SCNN1B: variants seen among roughly 807,000 people sequenced by gnomAD.
SCNN1B encodes the protein sodium channel epithelial 1 subunit beta.
SCNN1B carries 46 observed loss-of-function variants against 65.3 expected under a neutral mutation model. That is an observed-to-expected ratio of 0.70 (90% CI 0.56 to 0.90). The LOEUF (loss-of-function observed/expected upper bound fraction) is 0.90, where lower values mean the gene tolerates loss of function less well. SCNN1B is among the 40% of genes least tolerant of loss of function. SCNN1B has a pLI of 0.00. For synonymous variants in SCNN1B, 349 were observed against 330.6 expected, an observed-to-expected ratio of 1.06 and a Z score of -0.60; for missense variants, 751 against 830.5, an observed-to-expected ratio of 0.90 and a Z score of 1.18.
At chr16:23,375,301 G>A (rs1385207826) in intron 7 of SCNN1B, among the ~76,000 whole-genome samples, 1 of 152,180 alleles carries the variant, frequency 6.6e-6, no homozygotes, top group Non-Finnish European at 1.5e-5. Context: ...CTGGGAGGAA[G>A]GAGCACAGAG....
At chr16:23,316,021 CAT>C (rs1961447465) in intron 1 of SCNN1B, among the ~76,000 whole-genome samples, 1 of 150,854 alleles carries the variant, frequency 6.6e-6, no homozygotes, top group African/African-American at 2.4e-5. Flanking sequence ...TCATCCCCAT[CAT>C]CACCATCACC....
rs1440299669 is a variant in SCNN1B at position 23,348,548 on chromosome 16, A to G, written c.-8-44A>G. Reference sequence around the variant, plus strand: ...CGTGACTGGGACATCCTCGCAGGCAAGGCTGGTGTCCCAGCTGATGTGCGT... The same window carrying G: ...CGTGACTGGGACATCCTCGCAGGCAGGGCTGGTGTCCCAGCTGATGTGCGT... On this transcript the variant is annotated intron_variant, in intron 1 of 12. Transcript: ENST00000343070. The surrounding 1 kb of genome is among the most constrained non-coding windows in gnomAD (Gnocchi z 4.5). 3.8e-6 allele frequency: 6 copies of G among 1,595,450 alleles called. No individual in the cohort carries two copies. The highest frequency in any genetic ancestry group is 5.1e-6 in the Non-Finnish European group (6 of 1,166,658).
rs151179722 is a variant in SCNN1B at position 23,324,104 on chromosome 16, C to T, written c.-9+21667C>T. On this transcript the variant is annotated intron_variant, in intron 1 of 12. Coordinates refer to ENST00000343070, the MANE Select transcript of SCNN1B (RefSeq NM_000336.3). Reference sequence around the variant, plus strand: ...ACAACTGAGGCTCAGAGAGGTGATGCGATTTTGCCAAGATCACACAGCCAC... The same window carrying T: ...ACAACTGAGGCTCAGAGAGGTGATGTGATTTTGCCAAGATCACACAGCCAC... 1.4e-3 allele frequency among the ~76,000 whole-genome samples: 216 copies of T among 151,830 alleles called. 1 individual carries two copies. Among genetic ancestry groups the T allele is most frequent in the African/African-American group, 4.9e-3 (204 of 41,352 alleles).
At chr16:23,369,900 G>A (rs1020937198) in intron 5 of SCNN1B, among the ~76,000 whole-genome samples, 2 of 152,168 alleles carry the variant, frequency 1.3e-5, no homozygotes, top group African/African-American at 4.8e-5. Context: ...CCTCCATCAT[G>A]CAGCCCTTGT....
In SCNN1B at chr16:23,371,301, C is replaced by A; in HGVS notation, c.883C>A (p.Leu295Met). ...PSANPGTEFG[L>M]KLILDIGQED... ...CCCTCACCCCACCCTCCCCACAGGCCTGAAGTTGATCCTGGACATAGGCCA... is the reference window on the plus strand; with the variant it reads ...CCCTCACCCCACCCTCCCCACAGGCATGAAGTTGATCCTGGACATAGGCCA... Residue 295 changes from leucine to methionine, a missense_variant and splice_region_variant, in exon 6 of 13, where the codon CTG becomes ATG. Transcript: ENST00000343070. 1.2e-6 allele frequency: 2 copies of A among 1,614,084 alleles called. No homozygotes were observed. Among genetic ancestry groups the A allele is most frequent in the Non-Finnish European group, 1.7e-6 (2 of 1,180,010 alleles).
chr16:23,292,612 C>T (rs983069055), intron 2 of SCNN1B, among the ~76,000 whole-genome samples: 1 of 150,798 alleles, frequency 6.6e-6, no homozygotes, highest in East Asian at 2.0e-4. Context: ...AGCAATCCTT[C>T]CATCTCTCAG....
chr16:23,312,133 C>A (rs931362960), intron 1 of SCNN1B, among the ~76,000 whole-genome samples: 1 of 152,152 alleles, frequency 6.6e-6, no homozygotes, highest in Admixed American at 6.5e-5. Context: ...AAAACATTTT[C>A]TTTCCTTTCT....
rs1430098060 is a variant in SCNN1B at position 23,348,477 on chromosome 16, T to G, written c.-8-115T>G. The G allele has an allele frequency of 3.3e-4, 235 of 721,882 alleles. No individual in the cohort carries two copies. The highest frequency in any genetic ancestry group is 2.8e-3 in the African/African-American group (84 of 29,970). 44.7% of individuals were successfully genotyped at this position (721,882 alleles called of 1,614,324 possible). The stretch of plus-strand genomic sequence containing the variant: ...AAAGGGAGGGAGGGAGGGGGGAGGG[T>G]AAAGAGGGAGGAAGAACGGGGACGT... On this transcript the variant is annotated intron_variant, in intron 1 of 12. Transcript: ENST00000343070. This position sits in a 1 kb window ranked among gnomAD's most constrained non-coding sequence, Gnocchi z 4.5.
intron 1 of SCNN1B, among the ~76,000 whole-genome samples, chr16:23,329,404 C>T (rs1291391082): frequency 6.6e-6 from 1 of 152,240 alleles, no homozygotes; most frequent in Non-Finnish European, 1.5e-5. Flanking sequence ...TTGGGAACCA[C>T]TGTATCCAGC....
At chr16:23,377,574 C>CCTT (rs1962929014) in intron 10 of SCNN1B, among the ~76,000 whole-genome samples, 188 bp downstream of exon 10, 1 of 125,062 alleles carries the variant, frequency 8.0e-6, no homozygotes, top group African/African-American at 3.0e-5. Flanking sequence ...CCTCTCTTTT[C>CCTT]CCTTCCTCCC....
chr16:23,343,656 A>AAAGG (rs201610085), intron 1 of SCNN1B, among the ~76,000 whole-genome samples: 23,077 of 112,906 alleles, frequency 0.2, 4,035 homozygotes, highest in Middle Eastern at 0.27. Context: ...AGAAAAAAAG[A>AAAGG]AAGGAAGGAA....
chr16:23,292,706 G>T (rs1309760272), intron 2 of SCNN1B, among the ~76,000 whole-genome samples: 1 of 151,432 alleles, frequency 6.6e-6, no homozygotes, highest in African/African-American at 2.4e-5. Flanking sequence ...TTTTTGCCAT[G>T]TTGCCCAGGC....
intron 1 of SCNN1B, among the ~76,000 whole-genome samples, chr16:23,338,121 C>A (rs1470941956): frequency 2.0e-5 from 3 of 152,184 alleles, no homozygotes; most frequent in Non-Finnish European, 4.4e-5. Context: ...ACATTTCCTG[C>A]ACCAAAGCTG....
intron 1 of SCNN1B, among the ~76,000 whole-genome samples, chr16:23,331,869 G>A (rs1188758144): frequency 6.6e-6 from 1 of 152,118 alleles, no homozygotes; most frequent in Non-Finnish European, 1.5e-5. Context: ...AAAGGGGTGG[G>A]AGGAACTTAC....
At position 23,348,984 on chromosome 16, in the gene SCNN1B, C is replaced by A. The variant is rs1273755111; in HGVS notation, c.311+74C>A. The A allele has an allele frequency of 8.1e-7, 1 of 1,232,104 alleles. No homozygotes were observed. The highest frequency in any genetic ancestry group is 1.7e-5 in the Admixed American group (1 of 58,586). 76.3% of individuals were successfully genotyped at this position (1,232,104 alleles called of 1,614,324 possible). A position where few individuals can be genotyped will look rare whatever the true frequency, so the allele number is the denominator to read the frequency against. On this transcript the variant is annotated intron_variant, in intron 2 of 12. Transcript: ENST00000343070. This position sits in a 1 kb window ranked among gnomAD's most constrained non-coding sequence, Gnocchi z 4.5. ...CTTTCTCTCTTTTCTTCCCTTCTAC[C>A]TTTCCTTTCCTTCCTTTCCTTCCTT... is the stretch of plus-strand genomic sequence containing the variant.
chr16:23,334,149 A>C (rs1961886982), intron 1 of SCNN1B, among the ~76,000 whole-genome samples: 2 of 152,184 alleles, frequency 1.3e-5, no homozygotes, highest in African/African-American at 2.4e-5. Context: ...CAGGGTGGAC[A>C]GCCACATTCC....
chr16:23,279,100 G>A (rs965454746), intron 1 of SCNN1B, among the ~76,000 whole-genome samples: 1 of 149,058 alleles, frequency 6.7e-6, no homozygotes, highest in African/African-American at 2.5e-5. Context: ...TGTGTGTGAT[G>A]GGGGCTGACT....
Position 23,348,939 on chromosome 16 carries a change from C to T in SCNN1B, c.311+29C>T. The T allele has an allele frequency of 1.3e-6, 2 of 1,590,062 alleles. No homozygotes were observed. The highest frequency in any genetic ancestry group is 2.2e-5 in the East Asian group (1 of 44,726). ...GGTGGCCCCGGAGTGCACAGCTGGC[C>T]TCAGCAGACAGGCGGTTCTCTTTCT... On this transcript the variant is annotated intron_variant, in intron 2 of 12. Coordinates refer to ENST00000343070, the MANE Select transcript of SCNN1B (RefSeq NM_000336.3). The surrounding 1 kb of genome is among the most constrained non-coding windows in gnomAD (Gnocchi z 4.5).
intron 1 of SCNN1B, among the ~76,000 whole-genome samples, chr16:23,319,943 T>A (rs1268577008): frequency 6.6e-6 from 1 of 152,070 alleles, no homozygotes; most frequent in Non-Finnish European, 1.5e-5. Flanking sequence ...AATTTTTGTA[T>A]TTTTTTGTAG....
Sources: allele counts gnomAD v4.1 joint callset (sites outside exome capture counted in the v4.1 genomes callset), GRCh38; gene constraint gnomAD v4.1.1; non-coding constraint Gnocchi (gnomAD v3.1); transcripts MANE v1.5; gene names NCBI Gene and HGNC (gene_info 2026-07-23, HGNC 2026-07-21).